DISP2: variants seen among roughly 807,000 people sequenced by gnomAD.
DISP2 encodes dispatched RND transporter family member 2.
Under a neutral mutation model 95.5 loss-of-function variants are expected in DISP2, and 59 were observed. The ratio of observed to expected loss-of-function variants is 0.62; its 90% confidence interval spans 0.50 to 0.77. The LOEUF (loss-of-function observed/expected upper bound fraction) is 0.77. Ranked by LOEUF, DISP2 falls within the 30% of genes least tolerant of loss-of-function variation. DISP2 has a pLI of 0.00. For missense variants in DISP2, 1,752 were observed against 1,854.6 expected, an observed-to-expected ratio of 0.94 and a Z score of 1.02; for synonymous variants, 827 against 815.0, an observed-to-expected ratio of 1.01 and a Z score of -0.25.
In DISP2 at chr15:40,365,235, G is replaced by A. The variant is rs1457855971; in HGVS notation, c.808G>A (p.Glu270Lys). 6 of 1,614,094 alleles carry A rather than the reference G, an allele frequency of 3.7e-6. No individual in the cohort carries two copies. In the South Asian group the frequency reaches 6.6e-5, roughly 18 times the overall value. ...VRPRRMVEPL[E>K]DRRQENFFCG... ...GCCTCGGAGAATGGTGGAGCCCCTG[G>A]AGGACAGAAGGCAAGAGAACTTCTT... The change falls in exon 6 of 8, where the codon GAG becomes AAG. Residue 270 changes from glutamate to lysine, a missense_variant. By Grantham distance (56) the Glu-to-Lys change is moderately conservative (BLOSUM62 1). Transcript: ENST00000267889.
rs200288583 is a variant in DISP2 at position 40,363,662 on chromosome 15, G to A, written c.157G>A (p.Glu53Lys). 1 of 1,569,994 alleles carries A rather than the reference G, an allele frequency of 6.4e-7. No homozygotes were observed. Among genetic ancestry groups the A allele is most frequent in the African/African-American group, 1.4e-5 (1 of 73,812 alleles). The change falls in exon 2 of 8, where the codon GAG becomes AAG. Residue 53 changes from glutamate (E) to lysine (K), a missense_variant. By Grantham distance (56) the Glu-to-Lys change is moderately conservative (BLOSUM62 1). This residue lies in a region of DISP2 where 342 missense variants were observed against 364.3 expected (regional missense o/e 0.94). Transcript: ENST00000267889. ...TKAVPPEASP[E>K]RSCSLHSCPL... ...GGCTGTGCCCCCTGAGGCAAGCCCA[G>A]AGAGAAGCTGCTCCCTCCACAGCTG...
In DISP2 at chr15:40,378,203, G is replaced by A. The variant is rs1001472118; in HGVS notation, c.*7885G>A. The A allele has an allele frequency of 3.3e-5, 5 of 152,170 alleles. No homozygotes were observed. The highest frequency in any genetic ancestry group is 1.9e-4 in the East Asian group (1 of 5,204). The allele number at this position is 152,170 out of a possible 1,614,324, so 9.4% of individuals were successfully genotyped here. ...TGACACCTATGTGAGAATTAGACAA[G>A]GACACTAAAAGAATTATTATAACTG... On this transcript the variant is annotated 3_prime_UTR_variant, in exon 8 of 8. Coordinates refer to ENST00000267889, the MANE Select transcript of DISP2 (RefSeq NM_033510.3).
At chr15:40,366,913 A>G (rs1317749985) in intron 7 of DISP2, 145 bp from the exon 8 acceptor site, 3 of 1,100,654 alleles carry the variant, frequency 2.7e-6, no homozygotes, top group East Asian at 5.2e-5. Context: ...CAGCTGGGAG[A>G]CAAGCCTATC....
rs755808864 is a variant in DISP2, at chr15:40,367,607, A to G, written c.1495A>G (p.Ile499Val). The change falls in exon 8 of 8, where the codon ATC becomes GTC. Residue 499 changes from isoleucine to valine, a missense_variant. By Grantham distance (29) the Ile-to-Val change is conservative. Coordinates refer to ENST00000267889, the MANE Select transcript of DISP2 (RefSeq NM_033510.3). ...GTACCCCTTGCTGGCTCTGGTTGCCATCTTCTTCGGCATGGCCCTGTACCT... is the reference window on the plus strand; with the variant it reads ...GTACCCCTTGCTGGCTCTGGTTGCCGTCTTCTTCGGCATGGCCCTGTACCT... ...TVYPLLALVA[I>V]FFGMALYLRS... 12 of 1,613,842 alleles carry G rather than the reference A, an allele frequency of 7.4e-6. No homozygotes were observed. Among genetic ancestry groups the G allele is most frequent in the Non-Finnish European group, 8.5e-6 (10 of 1,179,966 alleles).
chr15:40,377,853 G>T lies in DISP2; in HGVS notation c.*7535G>T, dbSNP rs1889751461. 6.6e-6 allele frequency: 1 copy of T among 152,496 alleles called. No homozygotes were observed. The highest frequency in any genetic ancestry group is 6.5e-5 in the Admixed American group (1 of 15,280). 9.4% of individuals were successfully genotyped at this position (152,496 alleles called of 1,614,324 possible). A position where few individuals can be genotyped will look rare whatever the true frequency, so the allele number is the denominator to read the frequency against. On this transcript the variant is annotated 3_prime_UTR_variant, in exon 8 of 8. Coordinates refer to ENST00000267889, the MANE Select transcript of DISP2 (RefSeq NM_033510.3). ...GGACCACGCCTGTCCCCATCAGCCAGATTGGAAAACCTCAAATTTATGGAG... is the reference window on the plus strand; with the variant it reads ...GGACCACGCCTGTCCCCATCAGCCATATTGGAAAACCTCAAATTTATGGAG...
intron 1 of DISP2, among the ~76,000 whole-genome samples, chr15:40,362,165 C>G (rs1889415981): frequency 6.6e-6 from 1 of 152,210 alleles, no homozygotes; most frequent in Non-Finnish European, 1.5e-5. Flanking sequence ...TCCCAACTCC[C>G]TCTCCCAACT....
chr15:40,366,627 C>T (rs768133363), intron 7 of DISP2, among the ~76,000 whole-genome samples: 27 of 152,196 alleles, frequency 1.8e-4, no homozygotes, highest in Admixed American at 7.2e-4. Flanking sequence ...AGGGTTTAAG[C>T]GGTGCAGTGG....
At position 40,369,924 on chromosome 15, in the gene DISP2, C is replaced by G. The variant is rs1409288309; in HGVS notation, c.3812C>G (p.Pro1271Arg). 1 of 1,592,412 alleles carries G rather than the reference C, an allele frequency of 6.3e-7. No homozygotes were observed. Among genetic ancestry groups the G allele is most frequent in the Non-Finnish European group, 8.6e-7 (1 of 1,168,610 alleles). ...TCACCAGAAGCCCCAGCCCACTCTC[C>G]TAAGGCCAAGGCTGCAGATCCTCCT... is the stretch of plus-strand genomic sequence containing the variant. Reference protein sequence around the residue: ...PASPEAPAHSPKAKAADPPDG... With the variant: ...PASPEAPAHSRKAKAADPPDG... Residue 1271 changes from proline (P) to arginine (R), a missense_variant, in exon 8 of 8, where the codon CCT becomes CGT. Transcript: ENST00000267889.
In DISP2 at chr15:40,369,618, C is replaced by T; in HGVS notation, c.3506C>T (p.Ala1169Val). ...GAGCAATATGAGCTACAGCCCCTGGCACGGCGTCGGAGCCCCAGCTTTGAC... is the reference window on the plus strand; with the variant it reads ...GAGCAATATGAGCTACAGCCCCTGGTACGGCGTCGGAGCCCCAGCTTTGAC... ...CSEQYELQPL[A>V]RRRSPSFDTS... is the part of the protein sequence containing the mutation. Residue 1169 changes from alanine (A) to valine (V), a missense_variant, in exon 8 of 8, where the codon GCA becomes GTA. Around this residue, in one of 5 missense-constraint regions of DISP2, gnomAD observed 347 missense variants for 344.2 expected, o/e 1.01. Coordinates refer to ENST00000267889, the MANE Select transcript of DISP2 (RefSeq NM_033510.3). The T allele has an allele frequency of 6.2e-7, 1 of 1,611,554 alleles. No homozygotes were observed. The highest frequency in any genetic ancestry group is 8.5e-7 in the Non-Finnish European group (1 of 1,180,012).
intron 1 of DISP2, among the ~76,000 whole-genome samples, chr15:40,362,071 G>A (rs188088961): frequency 1.3e-5 from 2 of 152,354 alleles, no homozygotes; most frequent in Admixed American, 6.5e-5. Context: ...CTGCACACAT[G>A]CACAGAGTAT....
rs1889636045 is a variant in DISP2, at chr15:40,370,990, C to T, written c.*672C>T. On this transcript the variant is annotated 3_prime_UTR_variant, in exon 8 of 8. Coordinates refer to ENST00000267889, the MANE Select transcript of DISP2 (RefSeq NM_033510.3). ...GCATCTCTCAATTACGGGACAGTCC[C>T]TCTTTGGAAGCAGGCTCCTGTGCTT... 4.8e-6 allele frequency: 1 copy of T among 206,256 alleles called. No homozygotes were observed. Among genetic ancestry groups the T allele is most frequent in the African/African-American group, 2.3e-5 (1 of 44,304 alleles). 12.8% of individuals were successfully genotyped at this position (206,256 alleles called of 1,614,324 possible). A position where few individuals can be genotyped will look rare whatever the true frequency, so the allele number is the denominator to read the frequency against.
At position 40,362,612 on chromosome 15, in the gene DISP2, A is replaced by G. The variant is rs1035591080; in HGVS notation, c.120-1013A>G. ...TAACGACTCTATAATATAATATTCA[A>G]TTGCAACAGATGCTATGAAAAAAAT... On this transcript the variant is annotated intron_variant, in intron 1 of 7. Transcript: ENST00000267889. Among the ~76,000 whole-genome samples, 12 of 152,242 alleles carry G rather than the reference A, an allele frequency of 7.9e-5. No homozygotes were observed. In the East Asian group the frequency reaches 9.6e-4, roughly 12 times the overall value.
intron 1 of DISP2, 104 bp downstream of exon 1, chr15:40,358,544 AC>A (rs1397132371): frequency 1.2e-6 from 1 of 867,058 alleles, no homozygotes; most frequent in Non-Finnish European, 1.5e-6. Flanking sequence ...CATTCCCCAG[AC>A]CCTCCCGGAG....
At chr15:40,365,526 A>C in intron 6 of DISP2, 102 bp from the exon 7 acceptor site, 1 of 1,406,726 alleles carries the variant, frequency 7.1e-7, no homozygotes, top group East Asian at 2.3e-5. Context: ...GAGATGCCTG[A>C]GAATCTGAAC....
chr15:40,368,801 C>T lies in DISP2; in HGVS notation c.2689C>T (p.His897Tyr), dbSNP rs1320515871. 5 of 1,613,814 alleles carry T rather than the reference C, an allele frequency of 3.1e-6. No homozygotes were observed. Among genetic ancestry groups the T allele is most frequent in the Non-Finnish European group, 4.2e-6 (5 of 1,180,032 alleles). ...TQDLGLRFDA[H>Y]GSLAALVLQF... The stretch of plus-strand genomic sequence containing the variant: ...GGACCTGGGACTCCGCTTTGATGCC[C>T]ATGGCAGCCTGGCCGCCCTGGTCCT... Residue 897 changes from histidine to tyrosine, a missense_variant, in exon 8 of 8, where the codon CAT (histidine) becomes TAT (tyrosine). By Grantham distance (83) the His-to-Tyr change is moderately conservative. Around this residue, in one of 5 missense-constraint regions of DISP2, gnomAD observed 317 missense variants for 394.9 expected, o/e 0.80. Coordinates refer to ENST00000267889, the MANE Select transcript of DISP2 (RefSeq NM_033510.3).
rs774120265 is a variant in DISP2 at position 40,376,795 on chromosome 15, C to T, written c.*6477C>T. 2.0e-5 allele frequency: 3 copies of T among 151,758 alleles called. No individual in the cohort carries two copies. Among genetic ancestry groups the T allele is most frequent in the Non-Finnish European group, 4.4e-5 (3 of 67,932 alleles). 9.4% of individuals were successfully genotyped at this position (151,758 alleles called of 1,614,324 possible). On this transcript the variant is annotated 3_prime_UTR_variant, in exon 8 of 8. Coordinates refer to ENST00000267889, the MANE Select transcript of DISP2 (RefSeq NM_033510.3). ...ACTCCAGCCTGGCAACAGAGCGAGA[C>T]CTTAACTCTAAAAAAAGAAATAAAG...
intron 1 of DISP2, among the ~76,000 whole-genome samples, chr15:40,358,812 G>C (rs574198912): frequency 3.4e-4 from 52 of 152,332 alleles, no homozygotes; most frequent in Non-Finnish European, 6.0e-4. Flanking sequence ...GGGTTTCAGC[G>C]TGCCAGTGTG....
chr15:40,369,508 G>T lies in DISP2; in HGVS notation c.3396G>T (p.Trp1132Cys). 6.2e-7 allele frequency: 1 copy of T among 1,613,162 alleles called. No homozygotes were observed. Among genetic ancestry groups the T allele is most frequent in the Non-Finnish European group, 8.5e-7 (1 of 1,180,016 alleles). Residue 1132 changes from tryptophan (W) to cysteine (C), a missense_variant, in exon 8 of 8, where the codon TGG becomes TGT. Around this residue, in one of 5 missense-constraint regions of DISP2, gnomAD observed 317 missense variants for 394.9 expected, o/e 0.80. Coordinates refer to ENST00000267889, the MANE Select transcript of DISP2 (RefSeq NM_033510.3). ...TCTGGCCCTGTGCCCACCTGCCATG[G>T]GATGCTGGTACTGGGGACCCTGGTG... ...QILWPCAHLP[W>C]DAGTGDPGGE...
rs143095018 is a variant in DISP2 at position 40,367,619 on chromosome 15, A to G, written c.1507A>G (p.Met503Val). 15 of 1,613,956 alleles carry G rather than the reference A, an allele frequency of 9.3e-6. No homozygotes were observed. In the African/African-American group the frequency reaches 1.9e-4, roughly 20 times the overall value. The stretch of plus-strand genomic sequence containing the variant: ...GGCTCTGGTTGCCATCTTCTTCGGC[A>G]TGGCCCTGTACCTGCGCTCACTCTT... ...LLALVAIFFGMALYLRSLFLT... is the reference protein window; with the variant it reads ...LLALVAIFFGVALYLRSLFLT... Residue 503 changes from methionine to valine, a missense_variant, in exon 8 of 8, where the codon ATG (methionine) becomes GTG (valine). By Grantham distance (21) the Met-to-Val change is conservative. This residue lies in a region of DISP2 where 732 missense variants were observed against 714.6 expected (regional missense o/e 1.02). Transcript: ENST00000267889.
Sources: allele counts gnomAD v4.1 joint callset (sites outside exome capture counted in the v4.1 genomes callset), GRCh38; gene constraint gnomAD v4.1.1; regional missense constraint gnomAD v4.1.1; transcripts MANE v1.5; gene names NCBI Gene and HGNC (gene_info 2026-07-23, HGNC 2026-07-21).